SCHIP1: variants seen among roughly 807,000 people sequenced by gnomAD.
The protein encoded by SCHIP1 is schwannomin interacting protein 1, also known as schwannomin-interacting protein 1.
A neutral mutation model predicts 29.7 loss-of-function variants in SCHIP1; 8 were observed. The observed-to-expected ratio is 0.27, with a 90% CI of 0.16 to 0.49. SCHIP1 has a LOEUF of 0.49. SCHIP1 is among the 20% of genes least tolerant of loss of function. The pLI is 0.99. For synonymous variants in SCHIP1, 76 were observed against 94.9 expected, an observed-to-expected ratio of 0.80 and a Z score of 1.16; for missense variants, 193 against 294.6, an observed-to-expected ratio of 0.66 and a Z score of 2.52.
chr3:159,774,086 A>C, the SCHIP1 span, among the ~76,000 whole-genome samples: 6 of 152,248 alleles, frequency 3.9e-5, no homozygotes, highest in Non-Finnish European at 8.8e-5. Flanking sequence ...CAAGAAATAG[A>C]AAAATGAATA....
the SCHIP1 span, among the ~76,000 whole-genome samples, chr3:159,537,674 GC>G: frequency 1.3e-5 from 2 of 152,020 alleles, no homozygotes; most frequent in African/African-American, 4.8e-5. Context: ...CATGAGTACA[GC>G]TACCCAACCA....
chr3:159,618,205 A>G, the SCHIP1 span, among the ~76,000 whole-genome samples: 140 of 152,340 alleles, frequency 9.2e-4, 1 homozygote, highest in Non-Finnish European at 1.7e-3. Context: ...ACCTGATCTC[A>G]AAGCACTGGA....
the SCHIP1 span, among the ~76,000 whole-genome samples, chr3:159,467,666 AAG>A: frequency 7.9e-5 from 12 of 152,152 alleles, no homozygotes; most frequent in African/African-American, 2.2e-4. Flanking sequence ...AATAGAAAAA[AAG>A]AGAGAAAAAA....
At chr3:159,542,206 C>T in the SCHIP1 span, among the ~76,000 whole-genome samples, 144,909 of 152,154 alleles carry the variant, frequency 0.95, 69,093 homozygotes, top group East Asian at 1. Context: ...TTCACAGTGT[C>T]GTTATTTTTA....
At chr3:159,594,484 C>T in the SCHIP1 span, among the ~76,000 whole-genome samples, 1 of 152,266 alleles carries the variant, frequency 6.6e-6, no homozygotes, top group Non-Finnish European at 1.5e-5. Context: ...CTTGAAATTA[C>T]AGCCACAGTG....
chr3:159,434,106 C>T, the SCHIP1 span, among the ~76,000 whole-genome samples: 1 of 152,168 alleles, frequency 6.6e-6, no homozygotes, highest in South Asian at 2.1e-4. Context: ...TATAAAAGTT[C>T]ACAATAAATG....
chr3:159,534,701 G>A, the SCHIP1 span, among the ~76,000 whole-genome samples: 2 of 152,308 alleles, frequency 1.3e-5, no homozygotes, highest in African/African-American at 2.4e-5. Context: ...CTGTGGTCAC[G>A]TGGTTTCACT....
the SCHIP1 span, among the ~76,000 whole-genome samples, chr3:159,780,943 CTG>C: frequency 6.6e-5 from 10 of 152,304 alleles, no homozygotes; most frequent in African/African-American, 2.4e-4. Context: ...GAGGCTGAGA[CTG>C]TGCATGAGGA....
At chr3:159,613,633 C>T in the SCHIP1 span, among the ~76,000 whole-genome samples, 4 of 152,110 alleles carry the variant, frequency 2.6e-5, no homozygotes, top group Non-Finnish European at 5.9e-5. Context: ...ATGCAGGGCA[C>T]TCATTCAAAA....
At chr3:159,367,879 G>A in the SCHIP1 span, among the ~76,000 whole-genome samples, 1 of 152,006 alleles carries the variant, frequency 6.6e-6, no homozygotes, top group African/African-American at 2.4e-5. Flanking sequence ...CCAAATGAAT[G>A]GCATTAAAAA....
chr3:159,345,196 C>CA, the SCHIP1 span, among the ~76,000 whole-genome samples: 8 of 137,782 alleles, frequency 5.8e-5, no homozygotes, highest in Non-Finnish European at 1.1e-4. Context: ...CACTGCACTC[C>CA]AGCCTGGGTG....
At chr3:159,646,595 T>TA in the SCHIP1 span, among the ~76,000 whole-genome samples, 1 of 152,098 alleles carries the variant, frequency 6.6e-6, no homozygotes, top group Non-Finnish European at 1.5e-5. Context: ...AGTAAGATAG[T>TA]AATAAGGTAA....
At chr3:159,749,942 A>T in the SCHIP1 span, among the ~76,000 whole-genome samples, 1 of 152,076 alleles carries the variant, frequency 6.6e-6, no homozygotes, top group African/African-American at 2.4e-5. Context: ...AATTAGCAAA[A>T]TTGATAATAT....
the SCHIP1 span, among the ~76,000 whole-genome samples, chr3:159,603,751 T>A: frequency 6.6e-6 from 1 of 152,126 alleles, no homozygotes; most frequent in East Asian, 1.9e-4. Context: ...ATACCTAGGA[T>A]TGGGTAATTT....
At chr3:159,591,086 T>C in the SCHIP1 span, among the ~76,000 whole-genome samples, 3 of 152,312 alleles carry the variant, frequency 2.0e-5, no homozygotes, top group African/African-American at 7.2e-5. Flanking sequence ...TTAGAGGATA[T>C]AACTTTTTGC....
At chr3:159,763,247 C>A in the SCHIP1 span, among the ~76,000 whole-genome samples, 1 of 151,888 alleles carries the variant, frequency 6.6e-6, no homozygotes, top group Non-Finnish European at 1.5e-5. Context: ...GCATGACCAC[C>A]GAGCACACGT....
At chr3:159,633,266 A>T in the SCHIP1 span, among the ~76,000 whole-genome samples, 1 of 152,232 alleles carries the variant, frequency 6.6e-6, no homozygotes, top group African/African-American at 2.4e-5. Context: ...CCTTGAATTT[A>T]TTCTGTAAGG....
At chr3:159,655,704 A>G in the SCHIP1 span, among the ~76,000 whole-genome samples, 2 of 152,160 alleles carry the variant, frequency 1.3e-5, no homozygotes, top group African/African-American at 4.8e-5. Flanking sequence ...CCTAGCCATC[A>G]TGGTGAAACC....
the SCHIP1 span, among the ~76,000 whole-genome samples, chr3:159,551,373 C>A: frequency 6.6e-6 from 1 of 152,172 alleles, no homozygotes; most frequent in African/African-American, 2.4e-5. Context: ...TTATCTCAAA[C>A]AAACTGCCTA....
Sources: gnomAD v4.1 joint callset for allele counts (sites outside exome capture counted in the v4.1 genomes callset) on GRCh38, gnomAD v4.1.1 for gene constraint, MANE v1.5 for transcripts, NCBI Gene and HGNC (gene_info 2026-07-23, HGNC 2026-07-21) for gene names.